Variants in ANO2 observed in about 807,000 individuals in gnomAD.
ANO2 encodes the protein anoctamin 2, also known as anoctamin-2.
In ANO2, 101 loss-of-function variants were observed where a neutral mutation model predicts 124.2. The ratio of observed to expected loss-of-function variants is 0.81; its 90% confidence interval spans 0.69 to 0.96. The LOEUF is 0.96. ANO2 is among the 40% of genes least tolerant of loss of function. The pLI is 0.00. For missense variants in ANO2, 1,293 were observed against 1,274.5 expected, an observed-to-expected ratio of 1.01 and a Z score of -0.22; for synonymous variants, 486 against 482.5, an observed-to-expected ratio of 1.01 and a Z score of -0.09.
At chr12:5,599,680 G>A in intron 19 of ANO2, 51 bp from the exon 20 acceptor site, 2 of 1,582,656 alleles carry the variant, frequency 1.3e-6, no homozygotes, top group Non-Finnish European at 1.7e-6. Flanking sequence ...AACAGGGTTG[G>A]TTTTGCAGAC....
chr12:5,944,769 T>A (rs2136330580), intron 1 of ANO2, among the ~76,000 whole-genome samples: 1 of 152,220 alleles, frequency 6.6e-6, no homozygotes, highest in East Asian at 1.9e-4. Flanking sequence ...ATTTGCTCTG[T>A]CCTCAGCGGA....
At chr12:5,898,698 T>C (rs932620753) in intron 3 of ANO2, among the ~76,000 whole-genome samples, 19 of 152,182 alleles carry the variant, frequency 1.2e-4, no homozygotes, top group African/African-American at 4.6e-4. Flanking sequence ...TCTGTGATGC[T>C]AGAAGTCAGA....
chr12:5,933,151 A>G (rs1451685395), intron 1 of ANO2, among the ~76,000 whole-genome samples: 1 of 152,214 alleles, frequency 6.6e-6, no homozygotes, highest in Non-Finnish European at 1.5e-5. Flanking sequence ...ACTTCTTAAC[A>G]TGGCCTACAA....
chr12:5,631,161 G>A (rs1294332883), intron 16 of ANO2, among the ~76,000 whole-genome samples: 1 of 152,192 alleles, frequency 6.6e-6, no homozygotes, highest in Non-Finnish European at 1.5e-5. Flanking sequence ...TTCTAACACT[G>A]GGAACACACA....
intron 10 of ANO2, among the ~76,000 whole-genome samples, chr12:5,781,373 G>A (rs538658197): frequency 1.4e-4 from 22 of 152,268 alleles, no homozygotes; most frequent in Admixed American, 6.5e-4. Flanking sequence ...ACTCAGGGGT[G>A]GTGCCCCAGG....
intron 14 of ANO2, among the ~76,000 whole-genome samples, chr12:5,676,503 A>G (rs1461793365): frequency 6.6e-6 from 1 of 152,204 alleles, no homozygotes; most frequent in Non-Finnish European, 1.5e-5. Flanking sequence ...ACACACATGC[A>G]TGCAAGGATT....
At chr12:5,654,998 T>C (rs1468094107) in intron 14 of ANO2, among the ~76,000 whole-genome samples, 1 of 152,208 alleles carries the variant, frequency 6.6e-6, no homozygotes. Context: ...ACATCAGGTG[T>C]GCCCCCGTTG....
chr12:5,878,942 C>G (rs111336299), intron 3 of ANO2, among the ~76,000 whole-genome samples: 4,525 of 152,292 alleles, frequency 0.03, 233 homozygotes, highest in African/African-American at 0.1. Flanking sequence ...TAATCATGTC[C>G]TGCTCAGGCT....
chr12:5,622,979 A>T (rs1292372428), intron 16 of ANO2, among the ~76,000 whole-genome samples: 1 of 151,326 alleles, frequency 6.6e-6, no homozygotes. Flanking sequence ...AAAAAAAAAA[A>T]AGAAACGAAA....
chr12:5,872,074 T>C (rs1253746090), intron 3 of ANO2, among the ~76,000 whole-genome samples: 1 of 152,208 alleles, frequency 6.6e-6, no homozygotes, highest in Non-Finnish European at 1.5e-5. Context: ...AGCTCTAGGA[T>C]GTCAGCCAGC....
intron 3 of ANO2, among the ~76,000 whole-genome samples, chr12:5,861,738 G>C (rs1161189306): frequency 6.6e-6 from 1 of 152,156 alleles, no homozygotes; most frequent in Non-Finnish European, 1.5e-5. Flanking sequence ...GAGCAGAGAG[G>C]AGACAGACTC....
chr12:5,609,134 G>A (rs187587038), intron 19 of ANO2: 3 of 152,308 alleles, frequency 2.0e-5, no homozygotes, highest in East Asian at 3.9e-4. Flanking sequence ...TAAGCTCCTA[G>A]AGAACAAGTG....
At chr12:5,615,066 G>C (rs902571799) in intron 17 of ANO2, 120 bp downstream of exon 17, 3 of 658,552 alleles carry the variant, frequency 4.6e-6, no homozygotes, top group East Asian at 5.8e-5. Context: ...GTGAAAGTGG[G>C]GCGGAGAAGG....
intron 10 of ANO2, among the ~76,000 whole-genome samples, chr12:5,797,930 G>A (rs575356182): frequency 5.8e-4 from 88 of 152,320 alleles, no homozygotes; most frequent in African/African-American, 2.0e-3. Context: ...TCCCCTGCAG[G>A]TGAGGCTGCT....
At chr12:5,776,874 T>C (rs1415779923) in intron 10 of ANO2, among the ~76,000 whole-genome samples, 3 of 152,084 alleles carry the variant, frequency 2.0e-5, no homozygotes, top group African/African-American at 7.2e-5. Context: ...TGGAGGTGTA[T>C]GGGGGCAGAA....
chr12:5,806,558 C>T (rs1953199391), intron 8 of ANO2, among the ~76,000 whole-genome samples: 1 of 152,246 alleles, frequency 6.6e-6, no homozygotes, highest in African/African-American at 2.4e-5. Context: ...TCAAATGGCA[C>T]TACCGCATGG....
At chr12:5,654,375 A>C (rs917214871) in intron 14 of ANO2, among the ~76,000 whole-genome samples, 2 of 152,224 alleles carry the variant, frequency 1.3e-5, no homozygotes, top group Admixed American at 1.3e-4. Context: ...GGGGCCTTTA[A>C]AACATGAATT....
At chr12:5,877,469 G>A (rs958396090) in intron 3 of ANO2, among the ~76,000 whole-genome samples, 15 of 152,158 alleles carry the variant, frequency 9.9e-5, no homozygotes, top group Non-Finnish European at 2.1e-4. Context: ...ATATGATTGG[G>A]TTGAGCATTT....
At chr12:5,893,851 C>T (rs534138057) in intron 3 of ANO2, among the ~76,000 whole-genome samples, 31 of 152,182 alleles carry the variant, frequency 2.0e-4, no homozygotes, top group African/African-American at 7.0e-4. Flanking sequence ...TAGTATTCCA[C>T]GGTGTATATG....
Sources: allele counts gnomAD v4.1 joint callset (sites outside exome capture counted in the v4.1 genomes callset), GRCh38; gene constraint gnomAD v4.1.1; transcripts MANE v1.5; gene names NCBI Gene and HGNC (gene_info 2026-07-23, HGNC 2026-07-21).